The following RBM20 variants were observed in gnomAD, a reference collection of about 807,000 sequenced individuals.
The protein encoded by RBM20 is RNA binding motif protein 20, also known as RNA-binding protein 20.
In RBM20, 51 loss-of-function variants were observed where a neutral mutation model predicts 110.1. The observed-to-expected ratio is 0.46, with a 90% CI of 0.37 to 0.59. The LOEUF (loss-of-function observed/expected upper bound fraction) is 0.59, where lower values mean the gene tolerates loss of function less well. Ranked by LOEUF, RBM20 falls within the 20% of genes least tolerant of loss-of-function variation. RBM20 has a pLI of 0.00. For synonymous variants in RBM20, 589 were observed against 618.2 expected, an observed-to-expected ratio of 0.95 and a Z score of 0.70; for missense variants, 1,512 against 1,574.9, an observed-to-expected ratio of 0.96 and a Z score of 0.68.
intron 7 of RBM20, among the ~76,000 whole-genome samples, chr10:110,803,421 C>T (rs2146546): frequency 0.29 from 44,614 of 151,932 alleles, 6,737 homozygotes; most frequent in Non-Finnish European, 0.34. Context: ...TCTAACAGAG[C>T]TTCTCAAGCT....
intron 5 of RBM20, among the ~76,000 whole-genome samples, chr10:110,793,318 C>T (rs915824427): frequency 2.6e-5 from 4 of 152,114 alleles, no homozygotes; most frequent in African/African-American, 7.2e-5. Flanking sequence ...GCCACTGTCC[C>T]GCATCTTCAT....
chr10:110,731,333 A>T (rs1291176788), intron 1 of RBM20, among the ~76,000 whole-genome samples: 1 of 152,220 alleles, frequency 6.6e-6, no homozygotes, highest in Non-Finnish European at 1.5e-5. Context: ...GAATGAAACA[A>T]GGAAGATGGC....
intron 1 of RBM20, among the ~76,000 whole-genome samples, chr10:110,679,356 T>C (rs977045381): frequency 6.6e-6 from 1 of 152,262 alleles, no homozygotes; most frequent in South Asian, 2.1e-4. Flanking sequence ...CACGAGTAGC[T>C]GGGACTATAG....
intron 4 of RBM20, 58 bp from the exon 5 acceptor site, chr10:110,784,734 A>T: frequency 9.0e-7 from 1 of 1,117,186 alleles, no homozygotes; most frequent in Admixed American, 2.0e-5. Context: ...ATGTCCTAAT[A>T]ATGACTTTTG....
chr10:110,812,791 G>A lies in RBM20; in HGVS notation c.2394G>A (p.Pro798=), dbSNP rs371131002. The change falls in exon 9 of 14, where the codon CCG becomes CCA. Residue 798 remains proline, a synonymous_variant. Coordinates refer to ENST00000369519, the MANE Select transcript of RBM20 (RefSeq NM_001134363.3). The part of the protein sequence containing the change: ...ARLRESRHPH[P]DDSGKEDGLG... The stretch of plus-strand genomic sequence containing the variant: ...TGCGGGAAAGCAGACACCCCCATCC[G>A]GATGACTCAGGCAAGGAAGATGGGC... 7.7e-6 allele frequency: 12 copies of A among 1,551,358 alleles called. 1 individual carries two copies. Among genetic ancestry groups the A allele is most frequent in the South Asian group, 5.9e-5 (5 of 84,034 alleles).
intron 1 of RBM20, among the ~76,000 whole-genome samples, chr10:110,732,499 A>G (rs1448866210): frequency 6.6e-6 from 1 of 152,178 alleles, no homozygotes; most frequent in Non-Finnish European, 1.5e-5. Flanking sequence ...CCAAGGGCAA[A>G]TTCAATTCAC....
intron 1 of RBM20, among the ~76,000 whole-genome samples, chr10:110,660,854 C>T (rs1349231512): frequency 6.6e-6 from 1 of 152,108 alleles, no homozygotes; most frequent in East Asian, 1.9e-4. Flanking sequence ...CCATCCCTTG[C>T]CACCATAGTC....
intron 1 of RBM20, among the ~76,000 whole-genome samples, chr10:110,699,984 G>A (rs989806295): frequency 3.9e-5 from 6 of 152,146 alleles, no homozygotes; most frequent in African/African-American, 9.7e-5. Flanking sequence ...TTCACGTCCC[G>A]GGTGGACAGA....
chr10:110,659,164 C>A (rs1431587400), intron 1 of RBM20, among the ~76,000 whole-genome samples: 2 of 152,206 alleles, frequency 1.3e-5, no homozygotes, highest in Non-Finnish European at 2.9e-5. Context: ...ATGGGTGAGA[C>A]CTGATGTGAC....
chr10:110,668,993 T>C (rs955414025), intron 1 of RBM20, among the ~76,000 whole-genome samples: 1 of 152,218 alleles, frequency 6.6e-6, no homozygotes, highest in Non-Finnish European at 1.5e-5. Context: ...GGAAAACATA[T>C]TTACAGTTTG....
rs111830546 is a variant in RBM20 at position 110,810,794 on chromosome 10, CGTGT to C, written c.1880+350_1880+353del. 1.1e-3 allele frequency among the ~76,000 whole-genome samples: 162 copies of C among 147,376 alleles called. 1 individual carries two copies. The highest frequency in any genetic ancestry group is 2.7e-3 in the African/African-American group (108 of 40,194). On this transcript the variant is annotated intron_variant, in intron 8 of 13. Transcript: ENST00000369519. Reference sequence around the variant, plus strand: ...CTATTAAAACAGCCTAAAAGTAATGCGTGTGTGTGTGTGTGTGTGTGCGTGTGTG... The same window carrying C: ...CTATTAAAACAGCCTAAAAGTAATGCGTGTGTGTGTGTGTGTGCGTGTGTG...
chr10:110,772,695 CTA>C (rs980104755), intron 1 of RBM20, among the ~76,000 whole-genome samples: 1 of 152,222 alleles, frequency 6.6e-6, no homozygotes, highest in African/African-American at 2.4e-5. Context: ...AGACATGTCT[CTA>C]TTGTTAAGCA....
At chr10:110,767,271 C>T (rs1235916125) in intron 1 of RBM20, among the ~76,000 whole-genome samples, 1 of 140,952 alleles carries the variant, frequency 7.1e-6, no homozygotes, top group Non-Finnish European at 1.6e-5. Context: ...GGGCTCCTCA[C>T]TTCCCAGTAG....
intron 1 of RBM20, among the ~76,000 whole-genome samples, chr10:110,730,890 C>T (rs754737188): frequency 9.9e-5 from 15 of 152,226 alleles, no homozygotes; most frequent in Non-Finnish European, 2.2e-4. Context: ...TACCTCCCCA[C>T]CCTCCTACTT....
At chr10:110,671,697 A>T (rs4918554) in intron 1 of RBM20, among the ~76,000 whole-genome samples, 11,287 of 151,936 alleles carry the variant, frequency 0.074, 574 homozygotes, top group Non-Finnish European at 0.1. Flanking sequence ...GATTTTTTTT[A>T]AAAAACTAAT....
At chr10:110,715,827 C>T (rs1446468039) in intron 1 of RBM20, among the ~76,000 whole-genome samples, 5 of 152,174 alleles carry the variant, frequency 3.3e-5, no homozygotes. Context: ...TGAAGGGTCT[C>T]ACCCCAGCCT....
intron 1 of RBM20, among the ~76,000 whole-genome samples, chr10:110,654,427 A>G (rs1861992648): frequency 6.6e-6 from 1 of 152,200 alleles, no homozygotes; most frequent in Admixed American, 6.5e-5. Context: ...TTTAATGTCC[A>G]TTTTAATGCT....
intron 8 of RBM20, among the ~76,000 whole-genome samples, chr10:110,811,373 C>T (rs917246693): frequency 1.3e-5 from 2 of 152,232 alleles, no homozygotes; most frequent in Admixed American, 6.5e-5. Context: ...AATAACCAAA[C>T]AGCCTTCAGA....
At chr10:110,693,269 G>A (rs1862614350) in intron 1 of RBM20, among the ~76,000 whole-genome samples, 3 of 152,192 alleles carry the variant, frequency 2.0e-5, no homozygotes, top group South Asian at 4.1e-4. Flanking sequence ...GATTATATTA[G>A]CCTCATAGAA....
Sources: allele counts gnomAD v4.1 joint callset (sites outside exome capture counted in the v4.1 genomes callset), GRCh38; gene constraint gnomAD v4.1.1; transcripts MANE v1.5; gene names NCBI Gene and HGNC (gene_info 2026-07-23, HGNC 2026-07-21).